Variants in SH3GL2 observed in about 807,000 individuals in gnomAD.
The protein encoded by SH3GL2 is endophilin-A1.
Under a neutral mutation model 46.0 loss-of-function variants are expected in SH3GL2, and 24 were observed. That is an observed-to-expected ratio of 0.52 (90% CI 0.38 to 0.73). The LOEUF (loss-of-function observed/expected upper bound fraction) is 0.73. SH3GL2 is among the 30% of genes least tolerant of loss of function. The probability of loss-of-function intolerance (pLI) is 0.00; values close to 1 mark genes in which losing one functional copy is unlikely to be tolerated. For missense variants in SH3GL2, 413 were observed against 424.2 expected (o/e 0.97, Z 0.23); for synonymous variants, 196 against 147.1 (o/e 1.33, Z -2.40).
chr9:17,667,061 G>T (rs573507227), intron 1 of SH3GL2, among the ~76,000 whole-genome samples: 2 of 152,184 alleles, frequency 1.3e-5, no homozygotes, highest in African/African-American at 4.8e-5. Context: ...TTTGTGAATT[G>T]TCTGTGTCTT....
intron 3 of SH3GL2, among the ~76,000 whole-genome samples, chr9:17,773,869 C>G (rs1271235533): frequency 6.6e-6 from 1 of 152,042 alleles, no homozygotes; most frequent in Non-Finnish European, 1.5e-5. Flanking sequence ...TGCATTGAAT[C>G]TTTAGATTGC....
At position 17,651,507 on chromosome 9, in the gene SH3GL2, A is replaced by T. The variant is rs113417012; in HGVS notation, c.45+72220A>T. Among the ~76,000 whole-genome samples, 1,005 of 152,270 alleles carry T rather than the reference A, an allele frequency of 6.6e-3. 10 individuals carry two copies. The highest frequency in any genetic ancestry group is 0.023 in the African/African-American group (964 of 41,568). On this transcript the variant is annotated intron_variant, in intron 1 of 8. Coordinates refer to ENST00000380607, the MANE Select transcript of SH3GL2 (RefSeq NM_003026.5). ...TTTGCCTTTTTTCTGGTTATTGCAG[A>T]GGAATACTCTTCACTTTGTGTATAT...
chr9:17,779,696 A>T (rs9406726), intron 3 of SH3GL2, among the ~76,000 whole-genome samples: 17,610 of 152,190 alleles, frequency 0.12, 1,133 homozygotes, highest in Admixed American at 0.15. Flanking sequence ...GGGGGCAATT[A>T]TCTTCTGCTT....
intron 1 of SH3GL2, among the ~76,000 whole-genome samples, chr9:17,695,960 G>T (rs1821193209): frequency 6.6e-6 from 1 of 152,120 alleles, no homozygotes; most frequent in African/African-American, 2.4e-5. Flanking sequence ...CATGATGGGA[G>T]AAAAACAGCA....
intron 3 of SH3GL2, among the ~76,000 whole-genome samples, chr9:17,781,957 C>G (rs1823821807): frequency 1.3e-5 from 2 of 152,164 alleles, no homozygotes; most frequent in East Asian, 1.9e-4. Context: ...AGCACTCTGA[C>G]TCTCCACCTG....
At chr9:17,712,127 G>A (rs1323836219) in intron 1 of SH3GL2, among the ~76,000 whole-genome samples, 1 of 151,568 alleles carries the variant, frequency 6.6e-6, no homozygotes, top group Non-Finnish European at 1.5e-5. Flanking sequence ...TGATGTATCT[G>A]TTCAAATCTG....
rs187901899 is a variant in SH3GL2, at chr9:17,783,930, T to A, written c.188-2451T>A. On this transcript the variant is annotated intron_variant, in intron 3 of 8. Coordinates refer to ENST00000380607, the MANE Select transcript of SH3GL2 (RefSeq NM_003026.5). ...TGCTTTAAATTTGTATTTTCCAGGC[T>A]CACTCTCAGTTTCTTAAAGTACTGC... Among the ~76,000 whole-genome samples the A allele has an allele frequency of 2.7e-4, 41 of 152,272 alleles. No homozygotes were observed. In the East Asian group the frequency reaches 7.9e-3, roughly 29 times the overall value.
intron 1 of SH3GL2, among the ~76,000 whole-genome samples, chr9:17,676,528 C>T (rs538366347): frequency 2.0e-4 from 31 of 152,272 alleles, no homozygotes; most frequent in Non-Finnish European, 3.7e-4. Flanking sequence ...ATCACTTGAA[C>T]CCAGGAGTTG....
chr9:17,642,012 C>G (rs4961583), intron 1 of SH3GL2, among the ~76,000 whole-genome samples: 77,674 of 151,962 alleles, frequency 0.51, 21,059 homozygotes, highest in Non-Finnish European at 0.62. Context: ...TGAGGAATCA[C>G]CACACTGTCT....
intron 1 of SH3GL2, among the ~76,000 whole-genome samples, chr9:17,726,104 C>G (rs958250112): frequency 6.6e-6 from 1 of 152,096 alleles, no homozygotes; most frequent in Admixed American, 6.6e-5. Flanking sequence ...TTTCCAGAAA[C>G]TTTAAATGTT....
At chr9:17,618,687 A>G (rs917841986) in intron 1 of SH3GL2, among the ~76,000 whole-genome samples, 2 of 152,056 alleles carry the variant, frequency 1.3e-5, no homozygotes, top group African/African-American at 4.8e-5. Context: ...CACTCTTCTA[A>G]AGTTTGTAAC....
intron 1 of SH3GL2, among the ~76,000 whole-genome samples, chr9:17,725,931 C>T (rs923493475): frequency 1.3e-5 from 2 of 152,100 alleles, no homozygotes; most frequent in South Asian, 2.1e-4. Flanking sequence ...TTGGCCATAT[C>T]TTCCCATAGC....
intron 1 of SH3GL2, among the ~76,000 whole-genome samples, chr9:17,737,632 C>T (rs1277728554): frequency 1.9e-4 from 29 of 152,150 alleles, no homozygotes; most frequent in Admixed American, 1.9e-3. Flanking sequence ...AGGGAAACTT[C>T]TTTGACTGTT....
At chr9:17,653,499 C>G (rs1820001778) in intron 1 of SH3GL2, among the ~76,000 whole-genome samples, 1 of 152,080 alleles carries the variant, frequency 6.6e-6, no homozygotes, top group African/African-American at 2.4e-5. Context: ...GAGCTGTTGT[C>G]TTTTATTGAT....
Position 17,752,530 on chromosome 9 carries a change from C to A in SH3GL2, c.114+5396C>A, listed in dbSNP as rs150491330. ...TACTTATGTGGAGATTGAGGTCTCA[C>A]TCTATTGTCCAGGCTGGAGTGTAGT... On this transcript the variant is annotated intron_variant, in intron 2 of 8. Transcript: ENST00000380607. 9.9e-5 allele frequency among the ~76,000 whole-genome samples: 15 copies of A among 152,052 alleles called. No individual in the cohort carries two copies. In the East Asian group the frequency reaches 2.9e-3, roughly 30 times the overall value.
intron 1 of SH3GL2, among the ~76,000 whole-genome samples, chr9:17,709,776 A>G (rs1188863648): frequency 6.6e-6 from 1 of 151,740 alleles, no homozygotes; most frequent in Non-Finnish European, 1.5e-5. Flanking sequence ...CAATATTTTA[A>G]TATTTTGGAC....
At chr9:17,638,696 A>T (rs969676849) in intron 1 of SH3GL2, among the ~76,000 whole-genome samples, 2 of 152,296 alleles carry the variant, frequency 1.3e-5, no homozygotes, top group South Asian at 4.1e-4. Context: ...ACCAGCCTCT[A>T]CTGTGGTTAC....
At chr9:17,717,424 T>TA (rs11459097) in intron 1 of SH3GL2, among the ~76,000 whole-genome samples, 15,946 of 152,138 alleles carry the variant, frequency 0.1, 2,766 homozygotes, top group African/African-American at 0.36. Flanking sequence ...GCCCCACTCT[T>TA]ATTTGAGGGC....
chr9:17,718,112 T>C (rs1233076800), intron 1 of SH3GL2, among the ~76,000 whole-genome samples: 1 of 152,154 alleles, frequency 6.6e-6, no homozygotes. Flanking sequence ...GATGCTTGAC[T>C]GAGTAGGACT....
Sources: gnomAD v4.1 joint callset for allele counts (sites outside exome capture counted in the v4.1 genomes callset) on GRCh38, gnomAD v4.1.1 for gene constraint, MANE v1.5 for transcripts, NCBI Gene and HGNC (gene_info 2026-07-23, HGNC 2026-07-21) for gene names.